The following IMMP2L variants were observed in gnomAD, a reference collection of about 807,000 sequenced individuals.
IMMP2L encodes inner mitochondrial membrane peptidase subunit 2.
IMMP2L carries 18 observed loss-of-function variants against 19.3 expected under a neutral mutation model. The observed-to-expected ratio is 0.93, with a 90% CI of 0.64 to 1.38. The LOEUF (loss-of-function observed/expected upper bound fraction) is 1.38. Ranked by LOEUF, IMMP2L falls within the 40% of genes most tolerant of loss-of-function variation. The probability of loss-of-function intolerance (pLI) is 0.00; values close to 1 mark genes in which losing one functional copy is unlikely to be tolerated. For synonymous variants in IMMP2L, 76 were observed against 73.0 expected (o/e 1.04, Z -0.21); for missense variants, 233 against 218.2 (o/e 1.07, Z -0.43).
chr7:110,975,160 T>C (rs1820561565), intron 3 of IMMP2L, among the ~76,000 whole-genome samples: 1 of 152,068 alleles, frequency 6.6e-6, no homozygotes, highest in South Asian at 2.1e-4. Context: ...AACAGATATA[T>C]AACATGAGTT....
intron 3 of IMMP2L, among the ~76,000 whole-genome samples, chr7:111,041,029 C>T (rs538426912): frequency 5.5e-4 from 84 of 152,130 alleles, no homozygotes; most frequent in African/African-American, 1.9e-3. Flanking sequence ...TATCAACATA[C>T]AATTCTAGCT....
At position 110,886,646 on chromosome 7, in the gene IMMP2L, A is replaced by C; in HGVS notation, c.355T>G (p.Trp119Gly). 1 of 1,610,564 alleles carries C rather than the reference A, an allele frequency of 6.2e-7. No homozygotes were observed. The highest frequency in any genetic ancestry group is 8.5e-7 in the Non-Finnish European group (1 of 1,177,060). Reference protein sequence around the residue: ...RYVKVPRGHIWVEGDHHGHSF... With the variant: ...RYVKVPRGHIGVEGDHHGHSF... ...TGTCCATGATGATCACCTTCAACCCAGATGTGACCACGGGGGACTTTGACA... is the reference window on the plus strand; with the variant it reads ...TGTCCATGATGATCACCTTCAACCCCGATGTGACCACGGGGGACTTTGACA... Residue 119 changes from tryptophan to glycine, a missense_variant, in exon 5 of 6, where the codon TGG becomes GGG. Physicochemically the swap from Trp to Gly is radical, Grantham distance 184. Transcript: ENST00000405709.
At chr7:111,263,365 CA>C (rs1191801651) in intron 3 of IMMP2L, among the ~76,000 whole-genome samples, 1 of 152,048 alleles carries the variant, frequency 6.6e-6, no homozygotes, top group Non-Finnish European at 1.5e-5. Flanking sequence ...ATGAAAACAA[CA>C]AAAGAAAGAG....
chr7:110,732,064 A>G (rs1796307675), intron 5 of IMMP2L, among the ~76,000 whole-genome samples: 1 of 152,154 alleles, frequency 6.6e-6, no homozygotes, highest in African/African-American at 2.4e-5. Context: ...GTCAAAGCTG[A>G]GACTGGGTGG....
intron 4 of IMMP2L, among the ~76,000 whole-genome samples, chr7:110,918,562 TCTC>T (rs1450008425): frequency 2.0e-5 from 3 of 151,726 alleles, no homozygotes; most frequent in South Asian, 2.1e-4. Flanking sequence ...TTCAAGTGAT[TCTC>T]CTGCCTCAGC....
At chr7:110,911,869 C>T (rs527941131) in intron 4 of IMMP2L, among the ~76,000 whole-genome samples, 9 of 152,080 alleles carry the variant, frequency 5.9e-5, no homozygotes, top group Middle Eastern at 3.4e-3. Flanking sequence ...AAGCATTTGA[C>T]GGGACAGTAA....
At chr7:111,421,430 C>T (rs1835535913) in intron 3 of IMMP2L, among the ~76,000 whole-genome samples, 1 of 150,980 alleles carries the variant, frequency 6.6e-6, no homozygotes, top group South Asian at 2.1e-4. Flanking sequence ...CCATCATGCC[C>T]GGCTAATTTT....
At chr7:110,739,245 T>C (rs1796837729) in intron 5 of IMMP2L, among the ~76,000 whole-genome samples, 1 of 152,156 alleles carries the variant, frequency 6.6e-6, no homozygotes, top group African/African-American at 2.4e-5. Context: ...ATGGCCTAAA[T>C]GTTCTACTTA....
intron 3 of IMMP2L, among the ~76,000 whole-genome samples, chr7:111,206,504 C>T: frequency 6.6e-6 from 1 of 151,608 alleles, no homozygotes; most frequent in Non-Finnish European, 1.5e-5. Flanking sequence ...TTTTTTAATT[C>T]TTAGTTTTTG....
At chr7:111,114,694 C>T (rs1209190472) in intron 3 of IMMP2L, among the ~76,000 whole-genome samples, 10 of 147,438 alleles carry the variant, frequency 6.8e-5, no homozygotes, top group Non-Finnish European at 1.3e-4. Context: ...GAGCCGAGAT[C>T]GCACCACTGC....
intron 5 of IMMP2L, among the ~76,000 whole-genome samples, chr7:110,879,961 A>G (rs1340328643): frequency 1.3e-5 from 2 of 152,154 alleles, no homozygotes; most frequent in Non-Finnish European, 1.5e-5. Flanking sequence ...CTTTTCAGAA[A>G]AATCATTAGT....
intron 3 of IMMP2L, among the ~76,000 whole-genome samples, chr7:111,264,168 A>G (rs1049625189): frequency 1.3e-5 from 2 of 152,164 alleles, no homozygotes; most frequent in Non-Finnish European, 2.9e-5. Context: ...ACATTAACAC[A>G]GAAAATCAGG....
At chr7:111,124,998 A>G in intron 3 of IMMP2L, 1 of 865,394 alleles carries the variant, frequency 1.2e-6, no homozygotes, top group Non-Finnish European at 1.7e-6. Context: ...AACAAACAAA[A>G]AAGTAAAAAA....
At chr7:110,956,282 A>G (rs1230328006) in intron 4 of IMMP2L, among the ~76,000 whole-genome samples, 1 of 152,064 alleles carries the variant, frequency 6.6e-6, no homozygotes, top group African/African-American at 2.4e-5. Context: ...ATTTCCGATT[A>G]GTCTGCAATA....
At chr7:110,717,398 G>T (rs1795297943) in intron 5 of IMMP2L, among the ~76,000 whole-genome samples, 1 of 152,232 alleles carries the variant, frequency 6.6e-6, no homozygotes, top group Admixed American at 6.5e-5. Context: ...CCAGGAGGCG[G>T]AGCTTGCAGT....
At chr7:110,669,021 A>G (rs1791661981) in intron 5 of IMMP2L, among the ~76,000 whole-genome samples, 1 of 142,450 alleles carries the variant, frequency 7.0e-6, no homozygotes, top group Non-Finnish European at 1.5e-5. Flanking sequence ...AAACTGAACC[A>G]ACAGTATGTG....
At chr7:111,199,072 T>C (rs764723332) in intron 3 of IMMP2L, among the ~76,000 whole-genome samples, 1 of 152,116 alleles carries the variant, frequency 6.6e-6, no homozygotes, top group Non-Finnish European at 1.5e-5. Context: ...AGTGGGGCTG[T>C]TATAATTTGT....
chr7:111,197,995 C>G, intron 3 of IMMP2L, among the ~76,000 whole-genome samples: 1 of 152,052 alleles, frequency 6.6e-6, no homozygotes, highest in East Asian at 1.9e-4. Context: ...AATCAGTAGA[C>G]AGATAATATT....
intron 3 of IMMP2L, among the ~76,000 whole-genome samples, chr7:111,187,269 A>G (rs1808374478): frequency 6.6e-6 from 1 of 152,076 alleles, no homozygotes; most frequent in Non-Finnish European, 1.5e-5. Context: ...GTGGGTCTCA[A>G]GGAAGCAGAG....
Sources: gnomAD v4.1 joint callset for allele counts (sites outside exome capture counted in the v4.1 genomes callset) on GRCh38, gnomAD v4.1.1 for gene constraint, MANE v1.5 for transcripts, NCBI Gene and HGNC (gene_info 2026-07-23, HGNC 2026-07-21) for gene names.